Variants in TRIM2 observed in about 807,000 individuals in gnomAD.
TRIM2 encodes tripartite motif containing 2.
Under a neutral mutation model 75.2 loss-of-function variants are expected in TRIM2, and 20 were observed. The observed-to-expected ratio is 0.27, with a 90% CI of 0.19 to 0.39. TRIM2 has a LOEUF of 0.39. TRIM2 is among the 10% of genes least tolerant of loss of function. The pLI is 1.00. For missense variants in TRIM2, 660 were observed against 990.8 expected, an observed-to-expected ratio of 0.67 and a Z score of 4.48; for synonymous variants, 373 against 388.3, an observed-to-expected ratio of 0.96 and a Z score of 0.46.
chr4:153,202,568 A>G (rs916639864), upstream of TRIM2, among the ~76,000 whole-genome samples: 4 of 152,098 alleles, frequency 2.6e-5, no homozygotes, highest in South Asian at 2.1e-4. Flanking sequence ...GCATGGCGGC[A>G]TGCGCCTGTA....
Position 153,244,355 on chromosome 4 carries a change from CTCTTCTTCTTCTTCTTCTTCT to C in TRIM2, c.31-25918_31-25898del, listed in dbSNP as rs1209366783. On this transcript the variant is annotated intron_variant, in intron 1 of 11. Transcript: ENST00000338700. The stretch of plus-strand genomic sequence containing the variant: ...CTTCTTCTTCTTCTTCTTCTTCTTC[CTCTTCTTCTTCTTCTTCTTCT>C]TCTTCTTCTTCTTCTTCTTCTTCTT... Among the ~76,000 whole-genome samples, 26 of 12,706 alleles carry C rather than the reference CTCTTCTTCTTCTTCTTCTTCT, an allele frequency of 2.0e-3. 1 individual carries two copies. Among genetic ancestry groups the C allele is most frequent in the East Asian group, 0.012 (6 of 496 alleles). 8.3% of individuals were successfully genotyped at this position (12,706 alleles called of 152,430 possible).
intron 6 of TRIM2, among the ~76,000 whole-genome samples, chr4:153,300,241 A>G (rs72967137): frequency 0.022 from 3,349 of 152,192 alleles, 69 homozygotes; most frequent in African/African-American, 0.053. Flanking sequence ...ATCTCTGCCA[A>G]CACTTGATAT....
chr4:153,247,535 G>A (rs879798028), intron 1 of TRIM2, among the ~76,000 whole-genome samples: 2 of 152,076 alleles, frequency 1.3e-5, no homozygotes, highest in Non-Finnish European at 2.9e-5. Flanking sequence ...AAAATTAGCT[G>A]GACATGGTGG....
chr4:153,292,835 T>C, intron 3 of TRIM2, 147 bp from the exon 4 acceptor site: 2 of 840,732 alleles, frequency 2.4e-6, no homozygotes, highest in East Asian at 2.8e-5. Context: ...GTGTCCTTCC[T>C]TTTCTCCTGT....
chr4:153,330,574 A>G (rs1369102770), intron 11 of TRIM2, among the ~76,000 whole-genome samples: 1 of 152,178 alleles, frequency 6.6e-6, no homozygotes, highest in Non-Finnish European at 1.5e-5. Flanking sequence ...AAATAAAGAA[A>G]ATCAGTCAAT....
At chr4:153,199,582 G>GTTA (rs909832784), upstream of TRIM2, among the ~76,000 whole-genome samples, 4 of 151,478 alleles carry the variant, frequency 2.6e-5, no homozygotes, top group South Asian at 2.1e-4. Context: ...ATCTTAGTCA[G>GTTA]TTATTATTAT....
intron 1 of TRIM2, among the ~76,000 whole-genome samples, chr4:153,159,872 A>T (rs1236593613): frequency 1.3e-5 from 2 of 152,242 alleles, no homozygotes; most frequent in Admixed American, 6.5e-5. Context: ...TGCCACGAGA[A>T]ATAAACTTTG....
intron 11 of TRIM2, 136 bp from the exon 12 acceptor site, chr4:153,334,678 C>T: frequency 1.3e-6 from 1 of 788,730 alleles, no homozygotes; most frequent in South Asian, 2.2e-5. Flanking sequence ...GGCACACCAG[C>T]CTGGGTGTCA....
At chr4:153,188,720 G>A (rs1007056107) in intron 1 of TRIM2, among the ~76,000 whole-genome samples, 7 of 151,504 alleles carry the variant, frequency 4.6e-5, no homozygotes, top group Non-Finnish European at 8.8e-5. Flanking sequence ...CTTGAGGCCA[G>A]GAGTTTGAGA....
chr4:153,237,659 G>T (rs980511484), intron 1 of TRIM2, among the ~76,000 whole-genome samples: 3 of 151,806 alleles, frequency 2.0e-5, no homozygotes, highest in African/African-American at 7.3e-5. Flanking sequence ...CAGCCCAGGC[G>T]ACAGTGCGAG....
chr4:153,267,963 C>T (rs1755698780), intron 1 of TRIM2, among the ~76,000 whole-genome samples: 1 of 152,144 alleles, frequency 6.6e-6, no homozygotes, highest in Non-Finnish European at 1.5e-5. Context: ...TCTGAGCATT[C>T]GGGATCGGAG....
intron 3 of TRIM2, among the ~76,000 whole-genome samples, chr4:153,289,882 T>C (rs528769311): frequency 6.6e-6 from 1 of 152,322 alleles, no homozygotes; most frequent in South Asian, 2.1e-4. Context: ...CATACACTTA[T>C]ATTTGCCCCA....
chr4:153,196,495 G>A (rs1334874587), intron 1 of TRIM2, among the ~76,000 whole-genome samples: 2 of 152,118 alleles, frequency 1.3e-5, no homozygotes, highest in African/African-American at 4.8e-5. Context: ...TCTGCAGAAT[G>A]AGCGTGAGTT....
intron 1 of TRIM2, among the ~76,000 whole-genome samples, chr4:153,186,776 A>G (rs562096902): frequency 1.3e-5 from 2 of 152,338 alleles, no homozygotes; most frequent in South Asian, 2.1e-4. Flanking sequence ...CATATCAAAA[A>G]AAGCCTGCTC....
At chr4:153,180,338 C>T (rs1433803735) in intron 1 of TRIM2, among the ~76,000 whole-genome samples, 1 of 152,092 alleles carries the variant, frequency 6.6e-6, no homozygotes, top group Non-Finnish European at 1.5e-5. Flanking sequence ...AGTATTTTTG[C>T]CAGGAAAAAC....
intron 1 of TRIM2, among the ~76,000 whole-genome samples, chr4:153,215,956 T>C (rs1454040310): frequency 6.6e-6 from 1 of 152,228 alleles, no homozygotes; most frequent in East Asian, 1.9e-4. Context: ...TTGCCTGTTT[T>C]TATTTTTTTG....
intron 1 of TRIM2, among the ~76,000 whole-genome samples, chr4:153,188,995 A>C (rs1197822398): frequency 6.6e-6 from 1 of 152,004 alleles, no homozygotes; most frequent in East Asian, 1.9e-4. Context: ...GGCTTTGCAC[A>C]GGCCATTTCT....
In TRIM2 at chr4:153,163,722, G is replaced by A. The variant is rs939208244; in HGVS notation, c.-49+10452G>A. Among the ~76,000 whole-genome samples, 6 of 151,190 alleles carry A rather than the reference G, an allele frequency of 4.0e-5. No individual in the cohort carries two copies. In the Admixed American group the frequency reaches 4.0e-4, roughly 10 times the overall value. ...TCACCAGGTTGGCCAGGCTGGTCTC[G>A]AACTCCTGACCTCAGGTGATCTGCC... On this transcript the variant is annotated intron_variant, in intron 1 of 11. Transcript: ENST00000437508.
chr4:153,185,714 G>T (rs144830944), intron 1 of TRIM2, among the ~76,000 whole-genome samples: 89 of 152,288 alleles, frequency 5.8e-4, no homozygotes, highest in African/African-American at 2.1e-3. Flanking sequence ...GGGAGGAGAT[G>T]CCTCTATCTC....
Sources: allele counts gnomAD v4.1 joint callset (sites outside exome capture counted in the v4.1 genomes callset), GRCh38; gene constraint gnomAD v4.1.1; transcripts MANE v1.5; gene names NCBI Gene and HGNC (gene_info 2026-07-23, HGNC 2026-07-21).